The following ENTREP2 variants were observed in gnomAD, a reference collection of about 807,000 sequenced individuals.
The protein encoded by ENTREP2 is endosomal transmembrane epsin interactor 2, also known as protein ENTREP2.
the ENTREP2 span, among the ~76,000 whole-genome samples, chr15:29,488,538 A>G: frequency 1.2e-4 from 19 of 152,190 alleles, no homozygotes; most frequent in African/African-American, 4.6e-4. Context: ...ATACCTGATA[A>G]AAGATACAAA....
the ENTREP2 span, among the ~76,000 whole-genome samples, chr15:29,425,914 T>C: frequency 8.8e-4 from 133 of 151,788 alleles, 3 homozygotes; most frequent in South Asian, 0.026. Context: ...TTATGTTTCA[T>C]TGGTTTAATT....
chr15:29,204,043 T>C, the ENTREP2 span, among the ~76,000 whole-genome samples: 1,515 of 152,340 alleles, frequency 9.9e-3, 8 homozygotes, highest in South Asian at 0.031. Context: ...ATCAGTTATT[T>C]CACTGAGTTT....
the ENTREP2 span, among the ~76,000 whole-genome samples, chr15:29,651,720 C>G: frequency 6.6e-6 from 1 of 152,228 alleles, no homozygotes; most frequent in African/African-American, 2.4e-5. Flanking sequence ...TATACACACT[C>G]GGGGCAGCAC....
the ENTREP2 span, among the ~76,000 whole-genome samples, chr15:29,299,669 AATT>A: frequency 6.6e-6 from 1 of 152,112 alleles, no homozygotes; most frequent in Non-Finnish European, 1.5e-5. Context: ...TTCTGCCTGT[AATT>A]ATCACTTTAT....
At chr15:29,142,745 C>T in the ENTREP2 span, among the ~76,000 whole-genome samples, 2 of 152,140 alleles carry the variant, frequency 1.3e-5, no homozygotes, top group African/African-American at 4.8e-5. Flanking sequence ...TTAATAAGCG[C>T]ATGCCTAATG....
chr15:29,440,918 C>T, the ENTREP2 span, among the ~76,000 whole-genome samples: 1 of 152,196 alleles, frequency 6.6e-6, no homozygotes, highest in Non-Finnish European at 1.5e-5. Flanking sequence ...TCCTCAGTTC[C>T]TCAAAACATT....
At chr15:29,562,994 G>A in the ENTREP2 span, among the ~76,000 whole-genome samples, 4 of 152,038 alleles carry the variant, frequency 2.6e-5, no homozygotes, top group African/African-American at 7.2e-5. Flanking sequence ...GTTTTGCCAC[G>A]TTGTCCAGGC....
chr15:29,362,227 G>A, the ENTREP2 span, among the ~76,000 whole-genome samples: 1 of 152,102 alleles, frequency 6.6e-6, no homozygotes, highest in Non-Finnish European at 1.5e-5. Context: ...TTTCTCAGAA[G>A]CTTCTCAGCC....
chr15:29,595,871 T>C, the ENTREP2 span, among the ~76,000 whole-genome samples: 1 of 152,176 alleles, frequency 6.6e-6, no homozygotes, highest in African/African-American at 2.4e-5. Context: ...AGTTGGCCTA[T>C]GTGTCCCTTT....
the ENTREP2 span, among the ~76,000 whole-genome samples, chr15:29,636,734 T>G: frequency 6.6e-6 from 1 of 152,204 alleles, no homozygotes. Flanking sequence ...AGGGGTTATT[T>G]TATTTTTAAA....
chr15:29,621,319 C>T, the ENTREP2 span, among the ~76,000 whole-genome samples: 992 of 151,794 alleles, frequency 6.5e-3, 16 homozygotes, highest in Admixed American at 8.8e-3. Context: ...GTCAGGAGAT[C>T]GAGACCATCC....
chr15:29,408,201 T>C, the ENTREP2 span, among the ~76,000 whole-genome samples: 1 of 152,200 alleles, frequency 6.6e-6, no homozygotes, highest in African/African-American at 2.4e-5. Flanking sequence ...GGACCAGCTG[T>C]TTACCAGGCA....
the ENTREP2 span, among the ~76,000 whole-genome samples, chr15:29,430,699 GGGAAGGATGGGA>G: frequency 1.3e-5 from 2 of 152,084 alleles, no homozygotes; most frequent in Non-Finnish European, 2.9e-5. Flanking sequence ...AGATGGGTGG[GGGAAGGATGGGA>G]GGAAGGAGGG....
the ENTREP2 span, among the ~76,000 whole-genome samples, chr15:29,364,340 C>T: frequency 2.0e-5 from 3 of 152,172 alleles, no homozygotes; most frequent in Admixed American, 6.5e-5. Flanking sequence ...ACACACCTGC[C>T]CTGTGCCTCA....
At chr15:29,485,394 T>C in the ENTREP2 span, among the ~76,000 whole-genome samples, 1 of 152,144 alleles carries the variant, frequency 6.6e-6, no homozygotes, top group African/African-American at 2.4e-5. Context: ...TCACAAAGAA[T>C]TGTGTTTGCT....
the ENTREP2 span, among the ~76,000 whole-genome samples, chr15:29,673,981 A>G: frequency 6.6e-6 from 1 of 152,200 alleles, no homozygotes; most frequent in African/African-American, 2.4e-5. Context: ...AGGGCAATCC[A>G]GGAAATCTGG....
At chr15:29,372,403 A>C in the ENTREP2 span, among the ~76,000 whole-genome samples, 7 of 152,328 alleles carry the variant, frequency 4.6e-5, no homozygotes, top group African/African-American at 9.6e-5. Flanking sequence ...AACATACAAA[A>C]TATGTGTTAG....
the ENTREP2 span, among the ~76,000 whole-genome samples, chr15:29,469,260 C>A: frequency 4.6e-5 from 7 of 152,210 alleles, no homozygotes; most frequent in Admixed American, 4.6e-4. Flanking sequence ...AGTACAGTGG[C>A]GTGATCTGGG....
chr15:29,468,282 C>T, the ENTREP2 span, among the ~76,000 whole-genome samples: 1 of 152,040 alleles, frequency 6.6e-6, no homozygotes, highest in Non-Finnish European at 1.5e-5. Context: ...TAACTTGCAT[C>T]ACTAGACCAC....
Sources: gnomAD v4.1 joint callset for allele counts (sites outside exome capture counted in the v4.1 genomes callset) on GRCh38, gnomAD v4.1.1 for gene constraint, MANE v1.5 for transcripts, NCBI Gene and HGNC (gene_info 2026-07-23, HGNC 2026-07-21) for gene names.